The following PARD6B variants were observed in gnomAD, a reference collection of about 807,000 sequenced individuals.
PARD6B encodes par-6 family cell polarity regulator beta, also known as partitioning defective 6 homolog beta.
PARD6B carries 4 observed loss-of-function variants against 10.5 expected under a neutral mutation model. The ratio of observed to expected loss-of-function variants is 0.38; its 90% CI spans 0.19 to 0.87. The LOEUF (loss-of-function observed/expected upper bound fraction) is 0.87, where lower values mean the gene tolerates loss of function less well. Ranked by LOEUF, PARD6B falls within the 40% of genes least tolerant of loss-of-function variation. The probability of loss-of-function intolerance (pLI) is 0.41; values close to 1 mark genes in which losing one functional copy is unlikely to be tolerated. For missense variants in PARD6B, 396 were observed against 470.6 expected, an observed-to-expected ratio of 0.84 and a Z score of 1.47; for synonymous variants, 169 against 170.4, an observed-to-expected ratio of 0.99 and a Z score of 0.07.
At chr20:50,743,486 A>G (rs2087542363) in intron 2 of PARD6B, among the ~76,000 whole-genome samples, 1 of 152,192 alleles carries the variant, frequency 6.6e-6, no homozygotes, top group Non-Finnish European at 1.5e-5. Flanking sequence ...TGCATTGGAC[A>G]TTATTTTGTA....
In PARD6B at chr20:50,737,839, T is replaced by C; in HGVS notation, c.67-18T>C. ...CTTTTTTTTTTTTTTTTAAGTAATATGTTTGTTACGTTTATAGTTTGGAGC... is the reference window on the plus strand; with the variant it reads ...CTTTTTTTTTTTTTTTTAAGTAATACGTTTGTTACGTTTATAGTTTGGAGC... On this transcript the variant is annotated intron_variant, in intron 1 of 2. Transcript: ENST00000371610. The C allele has an allele frequency of 6.9e-7, 1 of 1,456,714 alleles. No homozygotes were observed. The highest frequency in any genetic ancestry group is 1.5e-5 in the South Asian group (1 of 68,880). The allele number at this position is 1,456,714 out of a possible 1,614,324, so 90.2% of individuals were successfully genotyped here. A position where few individuals can be genotyped will look rare whatever the true frequency, so the allele number is the denominator to read the frequency against.
At chr20:50,747,489 C>CTTTTTTTTTTTTTTTTTTTTTTTTTTCTT (rs58629233) in intron 2 of PARD6B, among the ~76,000 whole-genome samples, 1 of 33,354 alleles carries the variant, frequency 3.0e-5, no homozygotes, top group Non-Finnish European at 5.1e-5. Context: ...TTCTTTCTTT[C>CTTTTTTTTTTTTTTTTTTTTTTTTTTCTT]TTTTTTTTTT....
At chr20:50,734,982 T>C (rs897694407) in intron 1 of PARD6B, among the ~76,000 whole-genome samples, 1 of 152,126 alleles carries the variant, frequency 6.6e-6, no homozygotes, top group African/African-American at 2.4e-5. Context: ...AAACCCTGTA[T>C]CTACTAAAAA....
chr20:50,740,273 T>C (rs989197888), intron 2 of PARD6B, among the ~76,000 whole-genome samples: 7 of 152,192 alleles, frequency 4.6e-5, no homozygotes, highest in African/African-American at 1.4e-4. Context: ...GGAGGAAGAA[T>C]TTAAATAATT....
intron 2 of PARD6B, among the ~76,000 whole-genome samples, chr20:50,739,775 T>A (rs1006300148): frequency 6.9e-6 from 1 of 144,948 alleles, no homozygotes; most frequent in African/African-American, 2.6e-5. Flanking sequence ...CAGTTGGCTG[T>A]TCAGGATGAA....
At position 50,752,360 on chromosome 20, in the gene PARD6B, A is replaced by G; in HGVS notation, c.*1872A>G. ...AAAAAAAAAAATTGGGTTTTCCTTC[A>G]TGGGATTTCTAGAAACACTGCCTAC... is the stretch of plus-strand genomic sequence containing the variant. On this transcript the variant is annotated 3_prime_UTR_variant, in exon 3 of 3. Coordinates refer to ENST00000371610, the MANE Select transcript of PARD6B (RefSeq NM_032521.3). 2.0e-6 allele frequency: 2 copies of G among 985,532 alleles called. No homozygotes were observed. The highest frequency in any genetic ancestry group is 2.4e-6 in the Non-Finnish European group (2 of 829,876). 61.0% of individuals were successfully genotyped at this position (985,532 alleles called of 1,614,324 possible). A position where few individuals can be genotyped will look rare whatever the true frequency, so the allele number is the denominator to read the frequency against.
intron 2 of PARD6B, among the ~76,000 whole-genome samples, chr20:50,745,541 C>G (rs1048239698): frequency 2.0e-5 from 3 of 152,156 alleles, no homozygotes; most frequent in African/African-American, 7.2e-5. Context: ...TCACCATTGC[C>G]CAGATTGGAG....
intron 2 of PARD6B, among the ~76,000 whole-genome samples, chr20:50,749,139 C>T (rs900967023): frequency 1.6e-4 from 24 of 152,078 alleles, no homozygotes; most frequent in African/African-American, 9.7e-5. Context: ...GTCAGGAAAT[C>T]GAGACCATCC....
At chr20:50,749,279 G>T (rs1380263083) in intron 2 of PARD6B, among the ~76,000 whole-genome samples, 2 of 151,846 alleles carry the variant, frequency 1.3e-5, no homozygotes, top group Non-Finnish European at 2.9e-5. Context: ...GGAGGCGGAG[G>T]TTGCAGTGAG....
At chr20:50,749,299 C>T (rs973198552) in intron 2 of PARD6B, among the ~76,000 whole-genome samples, 4 of 150,930 alleles carry the variant, frequency 2.7e-5, no homozygotes, top group Admixed American at 2.0e-4. Context: ...GCCGAGGTCA[C>T]GCCACTGCAC....
At chr20:50,743,767 T>G (rs984148628) in intron 2 of PARD6B, among the ~76,000 whole-genome samples, 4 of 151,508 alleles carry the variant, frequency 2.6e-5, no homozygotes, top group Non-Finnish European at 4.4e-5. Flanking sequence ...TGGGCGCCTG[T>G]AGTCCCAGCT....
Position 50,738,063 on chromosome 20 carries a change from A to T in PARD6B, c.273A>T (p.Ile91=). The change falls in exon 2 of 3, where the codon ATA becomes ATT. Residue 91 remains isoleucine (I), a synonymous_variant. Transcript: ENST00000371610. ...CAACGGCCAATCCACTGCTTAGGAT[A>T]TTTATACAAAAGAAGGGTAAGTATC... ...AVSTANPLLR[I]FIQKKEEADY... The T allele has an allele frequency of 6.2e-7, 1 of 1,600,204 alleles. No homozygotes were observed. The highest frequency in any genetic ancestry group is 8.5e-7 in the Non-Finnish European group (1 of 1,173,604).
At chr20:50,732,554 A>G (rs570880011) in intron 1 of PARD6B, among the ~76,000 whole-genome samples, 1 of 152,296 alleles carries the variant, frequency 6.6e-6, no homozygotes, top group Admixed American at 6.5e-5. Context: ...CTCAAGGCTC[A>G]GTGAGCAGGG....
At chr20:50,737,774 A>T in intron 1 of PARD6B, 83 bp from the exon 2 acceptor site, 1 of 900,076 alleles carries the variant, frequency 1.1e-6, no homozygotes, top group South Asian at 2.0e-5. Context: ...TCTGCTCGTT[A>T]ATTTTTCTAT....
At position 50,752,849 on chromosome 20, in the gene PARD6B, CT is replaced by C; in HGVS notation, c.*2362del. On this transcript the variant is annotated 3_prime_UTR_variant, in exon 3 of 3. Transcript: ENST00000371610. ...ATATTATCAGTAAACTATTAACTGA[CT>C]GCACATTATGTAATACGTTGTACTT... 1.0e-6 allele frequency: 1 copy of C among 980,846 alleles called. No homozygotes were observed. Among genetic ancestry groups the C allele is most frequent in the Non-Finnish European group, 1.2e-6 (1 of 825,364 alleles). 60.8% of individuals were successfully genotyped at this position (980,846 alleles called of 1,614,324 possible).
intron 1 of PARD6B, among the ~76,000 whole-genome samples, chr20:50,734,843 T>C (rs1217104577): frequency 6.6e-6 from 1 of 152,134 alleles, no homozygotes; most frequent in Non-Finnish European, 1.5e-5. Flanking sequence ...TAGGATCTCT[T>C]TTTCTTCATA....
At chr20:50,738,143 G>T in intron 2 of PARD6B, 64 bp downstream of exon 2, 1 of 1,246,120 alleles carries the variant, frequency 8.0e-7, no homozygotes, top group Non-Finnish European at 1.1e-6. Context: ...CCCACTGAAA[G>T]GATACCCAGA....
Position 50,731,762 on chromosome 20 carries a change from GC to G in PARD6B, c.-23del. The G allele has an allele frequency of 6.9e-7, 1 of 1,443,004 alleles. No individual in the cohort carries two copies. Among genetic ancestry groups the G allele is most frequent in the South Asian group, 1.4e-5 (1 of 73,148 alleles). 89.4% of individuals were successfully genotyped at this position (1,443,004 alleles called of 1,614,324 possible). A position where few individuals can be genotyped will look rare whatever the true frequency, so the allele number is the denominator to read the frequency against. ...CTGAGGGGCCGCCCGGCCGGAGGAG[GC>G]CGTCGCGGGGCTCGGCGTTCAGCAT... On this transcript the variant is annotated 5_prime_UTR_variant, in exon 1 of 3. Coordinates refer to ENST00000371610, the MANE Select transcript of PARD6B (RefSeq NM_032521.3).
chr20:50,738,078 G>T lies in PARD6B; in HGVS notation c.288G>T (p.Lys96Asn). Residue 96 changes from lysine to asparagine, a missense_variant and splice_region_variant, in exon 2 of 3, where the codon AAG becomes AAT. By Grantham distance (94) the Lys-to-Asn change is moderately conservative. Transcript: ENST00000371610. The stretch of plus-strand genomic sequence containing the variant: ...TGCTTAGGATATTTATACAAAAGAA[G>T]GGTAAGTATCACTGTTTAGAAAAAT... ...NPLLRIFIQK[K>N]EEADYSAFGT... 6.3e-7 allele frequency: 1 copy of T among 1,582,766 alleles called. No individual in the cohort carries two copies. The highest frequency in any genetic ancestry group is 8.6e-7 in the Non-Finnish European group (1 of 1,163,318).
Sources: allele counts gnomAD v4.1 joint callset (sites outside exome capture counted in the v4.1 genomes callset), GRCh38; gene constraint gnomAD v4.1.1; transcripts MANE v1.5; gene names NCBI Gene and HGNC (gene_info 2026-07-23, HGNC 2026-07-21).